Variants in NEBL observed in about 807,000 individuals in gnomAD.
NEBL encodes LIM and SH3 protein 2.
NEBL carries 122 observed loss-of-function variants against 140.2 expected under a neutral mutation model. The ratio of observed to expected loss-of-function variants is 0.87; its 90% CI spans 0.75 to 1.01. The LOEUF (loss-of-function observed/expected upper bound fraction) is 1.01, where lower values mean the gene tolerates loss of function less well. NEBL is among the 50% of genes least tolerant of loss of function. NEBL has a pLI of 0.00. For missense variants in NEBL, 1,365 were observed against 1,231.3 expected (o/e 1.11, Z -1.62); for synonymous variants, 436 against 398.9 (o/e 1.09, Z -1.11).
intron 4 of NEBL, among the ~76,000 whole-genome samples, chr10:20,920,608 C>A (rs1833536517): frequency 6.6e-6 from 1 of 151,518 alleles, no homozygotes; most frequent in Non-Finnish European, 1.5e-5. Context: ...CTTCTGTATT[C>A]AAAAGAAATA....
intron 2 of NEBL, among the ~76,000 whole-genome samples, chr10:20,890,493 G>A (rs1326047524): frequency 6.6e-6 from 1 of 152,176 alleles, no homozygotes; most frequent in Non-Finnish European, 1.5e-5. Flanking sequence ...TGGGCTTCCT[G>A]TTACTAATTC....
chr10:21,109,205 T>G (rs1182739373), intron 2 of NEBL, among the ~76,000 whole-genome samples: 1 of 152,220 alleles, frequency 6.6e-6, no homozygotes, highest in Non-Finnish European at 1.5e-5. Flanking sequence ...GTTTTTAGCA[T>G]GAAGGGCTGT....
At chr10:20,925,539 A>G (rs575493849) in intron 4 of NEBL, among the ~76,000 whole-genome samples, 3 of 152,248 alleles carry the variant, frequency 2.0e-5, no homozygotes, top group South Asian at 2.1e-4. Flanking sequence ...ACACCAATAA[A>G]TACACTCACC....
intron 2 of NEBL, among the ~76,000 whole-genome samples, chr10:21,102,857 A>C (rs770030262): frequency 6.6e-6 from 1 of 152,130 alleles, no homozygotes; most frequent in Non-Finnish European, 1.5e-5. Flanking sequence ...TCCAGGGTAC[A>C]TGTGCAGGAT....
rs1022955888 is a variant in NEBL at position 20,984,131 on chromosome 10, A to AG, written c.250-22353_250-22352insC. Among the ~76,000 whole-genome samples the AG allele has an allele frequency of 3.3e-5, 5 of 151,584 alleles. 1 individual carries two copies. The highest frequency in any genetic ancestry group is 2.1e-4 in the South Asian group (1 of 4,812). On this transcript the variant is annotated intron_variant, in intron 3 of 6. Transcript: ENST00000417816. ...TCCAACAGAAAATGTACCTGAAAAA[A>AG]AAAAAGCTCCAAACTTCTAAAAAGT...
intron 1 of NEBL, among the ~76,000 whole-genome samples, chr10:21,273,617 G>C (rs967105444): frequency 4.6e-5 from 7 of 152,156 alleles, no homozygotes; most frequent in Non-Finnish European, 1.0e-4. Context: ...CTGTGGACCA[G>C]CCATGAGGAT....
chr10:20,931,197 A>G (rs530752428), intron 4 of NEBL, among the ~76,000 whole-genome samples: 1 of 152,208 alleles, frequency 6.6e-6, no homozygotes, highest in African/African-American at 2.4e-5. Flanking sequence ...TCAAAGTATG[A>G]CAAAGACGCA....
chr10:21,073,328 A>C (rs1204238116), intron 2 of NEBL, among the ~76,000 whole-genome samples: 7 of 151,584 alleles, frequency 4.6e-5, no homozygotes, highest in Non-Finnish European at 7.4e-5. Context: ...GTCTCAAAAA[A>C]AAAAAAAGCC....
intron 2 of NEBL, chr10:21,029,890 C>G: frequency 1.6e-6 from 1 of 642,622 alleles, no homozygotes; most frequent in Non-Finnish European, 2.9e-6. Flanking sequence ...AGGCAGGGAC[C>G]GCTATGAAGA....
At chr10:21,088,937 C>T (rs605715) in intron 2 of NEBL, among the ~76,000 whole-genome samples, 78,134 of 152,030 alleles carry the variant, frequency 0.51, 24,323 homozygotes, top group African/African-American at 0.87. Context: ...TAATGAACCA[C>T]GCGAGGCAGG....
At chr10:21,022,062 A>C (rs1164737727) in intron 2 of NEBL, among the ~76,000 whole-genome samples, 1 of 152,168 alleles carries the variant, frequency 6.6e-6, no homozygotes, top group Non-Finnish European at 1.5e-5. Context: ...CCCTGTGTGC[A>C]GGTAAAGACT....
In NEBL at chr10:21,158,559, G is replaced by A. The variant is rs534457039; in HGVS notation, c.164+13824C>T. 5.3e-5 allele frequency among the ~76,000 whole-genome samples: 8 copies of A among 152,232 alleles called. No individual in the cohort carries two copies. In the South Asian group the frequency reaches 1.7e-3, roughly 32 times the overall value. ...AAGTAACTCAACGTCAGCCCCAGAA[G>A]GGAATGGTCCCTTCACTCCCCCACC... is the stretch of plus-strand genomic sequence containing the variant. On this transcript the variant is annotated intron_variant, in intron 2 of 6. Coordinates refer to the NEBL transcript ENST00000417816.
chr10:21,031,672 C>A (rs1328143497), intron 2 of NEBL, among the ~76,000 whole-genome samples: 4 of 152,194 alleles, frequency 2.6e-5, no homozygotes. Flanking sequence ...CAGCCACTTG[C>A]TTTTGCAGAT....
At chr10:20,951,338 C>T in intron 4 of NEBL, among the ~76,000 whole-genome samples, 1 of 150,008 alleles carries the variant, frequency 6.7e-6, no homozygotes, top group East Asian at 2.0e-4. Flanking sequence ...GGCCACAAAG[C>T]AGGCCTGACA....
chr10:20,880,804 T>C lies in NEBL; in HGVS notation c.470A>G (p.His157Arg). ...AATGCGCTTCCTTACATTACTCTGG[T>C]GTTTATTGACCTCCATGGCATGTTT... is the stretch of plus-strand genomic sequence containing the variant. The part of the protein sequence containing the change: ...EVKHAMEVNK[H>R]QSNISYRKDV... The change falls in exon 5 of 28, where the codon CAC (histidine) becomes CGC (arginine). Residue 157 changes from histidine to arginine, a missense_variant. Physicochemically the swap from His to Arg is conservative, Grantham distance 29. Transcript: ENST00000377122. 3.7e-6 allele frequency: 6 copies of C among 1,610,238 alleles called. No individual in the cohort carries two copies. Among genetic ancestry groups the C allele is most frequent in the Non-Finnish European group, 5.1e-6 (6 of 1,176,456 alleles).
In NEBL at chr10:20,888,122, C is replaced by G; in HGVS notation, c.344G>C (p.Gly115Ala). 6.2e-7 allele frequency: 1 copy of G among 1,613,164 alleles called. No individual in the cohort carries two copies. Among genetic ancestry groups the G allele is most frequent in the Non-Finnish European group, 8.5e-7 (1 of 1,179,258 alleles). ...MPATIDSVFAGEVTQLQSEVA... is the reference protein window; with the variant it reads ...MPATIDSVFAAEVTQLQSEVA... ...CTCACTCTGGAGCTGTGTAACTTCT[C>G]CTGCAAAAACACTGTCAATTGTGGC... is the stretch of plus-strand genomic sequence containing the variant. Residue 115 changes from glycine (G) to alanine (A), a missense_variant, in exon 4 of 28, where the codon GGA becomes GCA. By Grantham distance (60) the Gly-to-Ala change is moderately conservative. Transcript: ENST00000377122.
At chr10:21,276,766 C>T (rs930286910) in intron 1 of NEBL, among the ~76,000 whole-genome samples, 1 of 152,070 alleles carries the variant, frequency 6.6e-6, no homozygotes, top group African/African-American at 2.4e-5. Context: ...GCCAAGAGTT[C>T]GAGACCAGCC....
At chr10:21,058,279 G>A (rs1023824034) in intron 2 of NEBL, among the ~76,000 whole-genome samples, 1 of 152,186 alleles carries the variant, frequency 6.6e-6, no homozygotes, top group Non-Finnish European at 1.5e-5. Flanking sequence ...CCCTGGCCAA[G>A]GAGAGCATAG....
intron 26 of NEBL, among the ~76,000 whole-genome samples, chr10:20,791,836 G>T (rs950835478): frequency 2.6e-5 from 4 of 152,208 alleles, no homozygotes; most frequent in South Asian, 2.1e-4. Flanking sequence ...CACTGGGGGG[G>T]ATGTACGCAG....
Sources: gnomAD v4.1 joint callset for allele counts (sites outside exome capture counted in the v4.1 genomes callset) on GRCh38, gnomAD v4.1.1 for gene constraint, MANE v1.5 for transcripts, NCBI Gene and HGNC (gene_info 2026-07-23, HGNC 2026-07-21) for gene names.